The following CELF2 variants were observed in gnomAD, a reference collection of about 807,000 sequenced individuals.
The protein encoded by CELF2 is CUGBP Elav-like family member 2, also known as CUG triplet repeat RNA-binding protein 2.
A neutral mutation model predicts 62.6 loss-of-function variants in CELF2; 8 were observed. That is an observed-to-expected ratio of 0.13 (90% CI 0.07 to 0.23). CELF2 has a LOEUF of 0.23. Among genes scored for constraint, CELF2 ranks in the 10% least tolerant of loss-of-function variants. The pLI, the probability that CELF2 is intolerant of heterozygous loss-of-function variation, is 1.00. For synonymous variants in CELF2, 258 were observed against 250.0 expected (o/e 1.03, Z -0.30); for missense variants, 333 against 671.0 (o/e 0.50, Z 5.56).
the CELF2 span, among the ~76,000 whole-genome samples, chr10:10,777,744 G>C: frequency 6.6e-6 from 1 of 152,070 alleles, no homozygotes; most frequent in Non-Finnish European, 1.5e-5. Flanking sequence ...AGCCCCCTTT[G>C]CCTTGAGGAT....
chr10:11,055,210 C>T (rs1233883130), intron 1 of CELF2, among the ~76,000 whole-genome samples: 1 of 152,184 alleles, frequency 6.6e-6, no homozygotes, highest in African/African-American at 2.4e-5. Context: ...TGTATTTTCT[C>T]CTGGTGTACT....
intron 1 of CELF2, among the ~76,000 whole-genome samples, chr10:11,034,065 C>G (rs577819740): frequency 6.6e-6 from 1 of 152,250 alleles, no homozygotes; most frequent in South Asian, 2.1e-4. Context: ...GCCGGCTGTT[C>G]TAGGTGTTAC....
chr10:11,163,843 G>A (rs1390529508), intron 1 of CELF2, among the ~76,000 whole-genome samples: 1 of 152,128 alleles, frequency 6.6e-6, no homozygotes, highest in African/African-American at 2.4e-5. Context: ...TAGGGTTTTG[G>A]CTTTTTAACC....
intron 1 of CELF2, among the ~76,000 whole-genome samples, chr10:11,140,661 T>G (rs138035880): frequency 2.6e-5 from 4 of 152,334 alleles, no homozygotes; most frequent in Non-Finnish European, 5.9e-5. Flanking sequence ...ATTTAAGATT[T>G]AATACTCTCA....
At chr10:11,100,730 T>C (rs1194404499) in intron 1 of CELF2, among the ~76,000 whole-genome samples, 3 of 152,130 alleles carry the variant, frequency 2.0e-5, no homozygotes, top group Admixed American at 6.5e-5. Flanking sequence ...ATGTGAGATG[T>C]TTTTAAAGCA....
At chr10:10,702,899 A>G in the CELF2 span, among the ~76,000 whole-genome samples, 503 of 152,316 alleles carry the variant, frequency 3.3e-3, 3 homozygotes, top group African/African-American at 0.012. Flanking sequence ...TTAAAAATAT[A>G]ACAATTTTAT....
chr10:10,854,842 C>A lies in CELF2; in HGVS notation c.53+56025C>A, dbSNP rs572488230. On this transcript the variant is annotated intron_variant, in intron 1 of 13. Coordinates refer to the CELF2 transcript ENST00000636488. ...TCATTCTCCCACCCCCTGTTCTAAC[C>A]CCCTAGCTGATTGAGTCATACCAGG... is the stretch of plus-strand genomic sequence containing the variant. Among the ~76,000 whole-genome samples the A allele has an allele frequency of 2.0e-5, 3 of 151,942 alleles. No individual in the cohort carries two copies. The South Asian group carries it at 6.2e-4, about 32-fold the overall frequency.
At chr10:11,295,164 C>T (rs1400338149) in intron 9 of CELF2, among the ~76,000 whole-genome samples, 1 of 152,124 alleles carries the variant, frequency 6.6e-6, no homozygotes, top group Non-Finnish European at 1.5e-5. Context: ...ATAACATGTT[C>T]TGTAAATAAA....
rs1026652556 is a variant in CELF2, at chr10:11,159,486, G to A, written c.75-6000G>A. On this transcript the variant is annotated intron_variant, in intron 1 of 12. Coordinates refer to ENST00000633077, the MANE Select transcript of CELF2 (RefSeq NM_001326342.2). The surrounding 1 kb of genome is among the most constrained non-coding windows in gnomAD (Gnocchi z 5.0). ...CTGACTCCTCTTCCTAAATCGAAAG[G>A]ATGCGCTAAGTTGAGCATGGACAGG... Among the ~76,000 whole-genome samples the A allele has an allele frequency of 6.6e-6, 1 of 152,202 alleles. No homozygotes were observed. Among genetic ancestry groups the A allele is most frequent in the African/African-American group, 2.4e-5 (1 of 41,440 alleles).
rs369484470 is a variant in CELF2 at position 11,237,909 on chromosome 10, A to G, written c.355-11244A>G. Among the ~76,000 whole-genome samples, 9 of 152,254 alleles carry G rather than the reference A, an allele frequency of 5.9e-5. No individual in the cohort carries two copies. The highest frequency in any genetic ancestry group is 2.1e-4 in the South Asian group (1 of 4,828). On this transcript the variant is annotated intron_variant, in intron 3 of 12. Transcript: ENST00000633077. This position sits in a 1 kb window ranked among gnomAD's most constrained non-coding sequence, Gnocchi z 4.0. ...ATTGAAAGTAATGGTAAAAACCACA[A>G]TCACTTTCGTACAAACCTAATAGAA... is the stretch of plus-strand genomic sequence containing the variant.
intron 7 of CELF2, among the ~76,000 whole-genome samples, chr10:11,273,634 C>G (rs1423463387): frequency 6.6e-6 from 1 of 152,132 alleles, no homozygotes; most frequent in Non-Finnish European, 1.5e-5. Context: ...TTTATCATAT[C>G]AAACTGGAAA....
Position 11,269,981 on chromosome 10 carries a change from G to A in CELF2, c.619-685G>A, listed in dbSNP as rs2083271600. ...GCTAGAATGTGCTTCTGTTTTTTGG[G>A]TTTGCACCAGCTCCAGGGATGGCGG... On this transcript the variant is annotated intron_variant, in intron 6 of 12. Coordinates refer to ENST00000633077, the MANE Select transcript of CELF2 (RefSeq NM_001326342.2). The surrounding 1 kb of genome is among the most constrained non-coding windows in gnomAD (Gnocchi z 4.4). 6.6e-6 allele frequency among the ~76,000 whole-genome samples: 1 copy of A among 152,152 alleles called. No homozygotes were observed. The highest frequency in any genetic ancestry group is 1.5e-5 in the Non-Finnish European group (1 of 68,026).
At chr10:10,941,819 T>G (rs1164823544) in intron 2 of CELF2, among the ~76,000 whole-genome samples, 7 of 151,990 alleles carry the variant, frequency 4.6e-5, no homozygotes, top group Admixed American at 2.0e-4. Context: ...CATAGTGAAA[T>G]TCCTTTTCTA....
At chr10:10,965,202 C>G (rs1417860068) in intron 2 of CELF2, among the ~76,000 whole-genome samples, 2 of 152,122 alleles carry the variant, frequency 1.3e-5, no homozygotes, top group Non-Finnish European at 2.9e-5. Flanking sequence ...ATATAGCCCT[C>G]TCTCTTGAAT....
intron 1 of CELF2, among the ~76,000 whole-genome samples, chr10:11,027,796 A>T (rs2059466637): frequency 1.3e-5 from 2 of 152,214 alleles, no homozygotes; most frequent in Non-Finnish European, 2.9e-5. Flanking sequence ...GCCTACTTCA[A>T]GTCTCAGTTG....
chr10:10,985,341 A>T (rs1220725804), intron 2 of CELF2, among the ~76,000 whole-genome samples: 1 of 152,178 alleles, frequency 6.6e-6, no homozygotes, highest in Non-Finnish European at 1.5e-5. Context: ...TAAAAAAAAA[A>T]AAAATAAGGC....
intron 9 of CELF2, among the ~76,000 whole-genome samples, chr10:11,293,192 C>T (rs145070965): frequency 9.8e-5 from 15 of 152,326 alleles, no homozygotes; most frequent in African/African-American, 3.6e-4. Context: ...TAGAACATCT[C>T]CCCCATTTCC....
At chr10:10,800,746 G>A (rs1489677173) in intron 1 of CELF2, among the ~76,000 whole-genome samples, 1 of 152,084 alleles carries the variant, frequency 6.6e-6, no homozygotes, top group East Asian at 1.9e-4. Context: ...GTCCTTCAGT[G>A]ATTTTTTTTC....
chr10:11,288,894 C>T (rs76934522), intron 9 of CELF2, among the ~76,000 whole-genome samples: 2,960 of 152,228 alleles, frequency 0.019, 69 homozygotes, highest in African/African-American at 0.047. Flanking sequence ...CTTTGTCCTG[C>T]CCTTTTCCAA....
Sources: gnomAD v4.1 joint callset for allele counts (sites outside exome capture counted in the v4.1 genomes callset) on GRCh38, gnomAD v4.1.1 for gene constraint, Gnocchi (gnomAD v3.1) non-coding constraint, MANE v1.5 for transcripts, NCBI Gene and HGNC (gene_info 2026-07-23, HGNC 2026-07-21) for gene names.